The following TMCC3 variants were observed in gnomAD, a reference collection of about 807,000 sequenced individuals.
The protein encoded by TMCC3 is transmembrane and coiled-coil domain protein 3.
TMCC3 carries 28 observed loss-of-function variants against 40.2 expected under a neutral mutation model. The observed-to-expected ratio is 0.70, with a 90% CI of 0.52 to 0.95. The LOEUF (loss-of-function observed/expected upper bound fraction) is 0.95, where lower values mean the gene tolerates loss of function less well. TMCC3 is among the 40% of genes least tolerant of loss of function. TMCC3 has a pLI of 0.00. For missense variants in TMCC3, 554 were observed against 615.2 expected (o/e 0.90, Z 1.05); for synonymous variants, 255 against 248.5 (o/e 1.03, Z -0.25).
chr12:94,591,159 T>A, intron 1 of TMCC3: 1 of 340,210 alleles, frequency 2.9e-6, no homozygotes, highest in South Asian at 2.7e-5. Flanking sequence ...AATACGAGAC[T>A]TCGTACAGTA....
chr12:94,645,215 T>C (rs1227353477), intron 1 of TMCC3, among the ~76,000 whole-genome samples: 1 of 152,218 alleles, frequency 6.6e-6, no homozygotes, highest in Non-Finnish European at 1.5e-5. Context: ...GTCTATAGTT[T>C]ATAAATACAT....
At chr12:94,638,975 TC>T (rs1222329218) in intron 1 of TMCC3, among the ~76,000 whole-genome samples, 3 of 148,478 alleles carry the variant, frequency 2.0e-5, no homozygotes, top group Non-Finnish European at 4.5e-5. Flanking sequence ...TACATACACA[TC>T]TTAATTAGGT....
At chr12:94,623,704 A>G (rs564049660) in intron 1 of TMCC3, among the ~76,000 whole-genome samples, 1 of 152,344 alleles carries the variant, frequency 6.6e-6, no homozygotes, top group East Asian at 1.9e-4. Flanking sequence ...TGCCCTGGCT[A>G]CTTGCCTAAG....
At chr12:94,588,635 C>T (rs2068652293) in intron 1 of TMCC3, among the ~76,000 whole-genome samples, 1 of 152,170 alleles carries the variant, frequency 6.6e-6, no homozygotes, top group African/African-American at 2.4e-5. Flanking sequence ...CGTTCAATAC[C>T]TGAAGGCTTT....
At chr12:94,571,877 T>A (rs1394471142) in intron 3 of TMCC3, 140 bp from the exon 4 acceptor site, 1 of 752,766 alleles carries the variant, frequency 1.3e-6, no homozygotes, top group African/African-American at 1.8e-5. Context: ...CCGATGATGA[T>A]GGTGATAGAC....
chr12:94,597,120 A>AATATATATAT (rs768080145), intron 1 of TMCC3, among the ~76,000 whole-genome samples: 14 of 5,484 alleles, frequency 2.6e-3, no homozygotes, highest in Admixed American at 5.4e-3. Flanking sequence ...TCTCTATTAA[A>AATATATATAT]ATACATATAT....
At chr12:94,591,639 C>T (rs924367464) in intron 1 of TMCC3, among the ~76,000 whole-genome samples, 3 of 152,078 alleles carry the variant, frequency 2.0e-5, no homozygotes, top group African/African-American at 7.2e-5. Context: ...ACTTGTAATC[C>T]TGACTACTCG....
chr12:94,577,631 C>A (rs554481004), intron 3 of TMCC3, among the ~76,000 whole-genome samples: 1 of 152,258 alleles, frequency 6.6e-6, no homozygotes, highest in Non-Finnish European at 1.5e-5. Context: ...CACCACATGG[C>A]TAAATTTCTG....
intron 1 of TMCC3, among the ~76,000 whole-genome samples, chr12:94,649,649 G>A (rs1192060235): frequency 6.6e-6 from 1 of 152,226 alleles, no homozygotes; most frequent in Admixed American, 6.5e-5. Context: ...GGACAGACCC[G>A]CGCTTGGGCT....
intron 1 of TMCC3, among the ~76,000 whole-genome samples, chr12:94,616,920 C>A (rs1296435219): frequency 6.6e-6 from 1 of 152,126 alleles, no homozygotes; most frequent in Non-Finnish European, 1.5e-5. Flanking sequence ...TTAAACAAGT[C>A]CTTCTGAGAA....
chr12:94,641,199 CAA>C (rs112330938), intron 1 of TMCC3, among the ~76,000 whole-genome samples: 1 of 142,954 alleles, frequency 7.0e-6, no homozygotes. Flanking sequence ...GACCCTGTCT[CAA>C]AAAAAAAAAG....
At position 94,604,308 on chromosome 12, in the gene TMCC3, C is replaced by A. The variant is rs112116211; in HGVS notation, c.79-21770G>T. ...TACAATTAGGGCTTGCTTACTTAGA[C>A]CAAATTGTTTTTATGATAGCTAATG... On this transcript the variant is annotated intron_variant, in intron 1 of 3. Transcript: ENST00000261226. Among the ~76,000 whole-genome samples, 9 of 152,228 alleles carry A rather than the reference C, an allele frequency of 5.9e-5. 2 individuals are homozygous for A. The highest frequency in any genetic ancestry group is 2.2e-4 in the African/African-American group (9 of 41,544).
intron 1 of TMCC3, among the ~76,000 whole-genome samples, chr12:94,630,714 T>C (rs1201548259): frequency 2.6e-5 from 4 of 151,378 alleles, no homozygotes; most frequent in Admixed American, 6.6e-5. Context: ...CTTGTAAACG[T>C]TTTGTGTTTT....
chr12:94,629,801 G>A (rs2068922841), intron 1 of TMCC3, among the ~76,000 whole-genome samples: 1 of 152,168 alleles, frequency 6.6e-6, no homozygotes, highest in South Asian at 2.1e-4. Flanking sequence ...TAGCATAAAT[G>A]TGATTTATCT....
rs1422024979 is a variant in TMCC3, at chr12:94,650,526, G to A, written c.-96C>T. Reference sequence around the variant, plus strand: ...GATCACCCTGGGAGCCGCGGGCGAGGGGGCGGCGCGGCTGCTGCAGCTGTT... The same window carrying A: ...GATCACCCTGGGAGCCGCGGGCGAGAGGGCGGCGCGGCTGCTGCAGCTGTT... On this transcript the variant is annotated 5_prime_UTR_variant, in exon 1 of 4. Coordinates refer to ENST00000261226, the MANE Select transcript of TMCC3 (RefSeq NM_020698.4). 7 of 1,006,208 alleles carry A rather than the reference G, an allele frequency of 7.0e-6. No homozygotes were observed. Among genetic ancestry groups the A allele is most frequent in the East Asian group, 3.8e-5 (1 of 26,494 alleles). 62.3% of individuals were successfully genotyped at this position (1,006,208 alleles called of 1,614,324 possible).
chr12:94,596,514 C>T (rs1387937999), intron 1 of TMCC3, among the ~76,000 whole-genome samples: 2 of 152,204 alleles, frequency 1.3e-5, no homozygotes, highest in East Asian at 3.8e-4. Context: ...CACCCCCACG[C>T]CCAGCTAGGA....
intron 1 of TMCC3, among the ~76,000 whole-genome samples, chr12:94,618,097 T>A (rs944752435): frequency 6.6e-6 from 1 of 152,238 alleles, no homozygotes. Context: ...ATGAATATTT[T>A]AAAACTACAA....
chr12:94,609,215 G>A (rs898623403), intron 1 of TMCC3, among the ~76,000 whole-genome samples: 2 of 152,114 alleles, frequency 1.3e-5, no homozygotes, highest in African/African-American at 4.8e-5. Flanking sequence ...GTGACAGAGT[G>A]AGACTGTTGT....
Position 94,571,723 on chromosome 12 carries a change from G to A in TMCC3, c.1146C>T (p.Ser382=), listed in dbSNP as rs139873854. The change falls in exon 4 of 4, where the codon TCC becomes TCT. Residue 382 remains serine (S), a synonymous_variant. Coordinates refer to ENST00000261226, the MANE Select transcript of TMCC3 (RefSeq NM_020698.4). ...RSRDIQEALE[S]CQTRISKLEL... ...CCAGCTTAGAAATGCGAGTCTGGCA[G>A]GATTCCAAGGCTTCCTGTGAGCAAG... The A allele has an allele frequency of 4.5e-5, 72 of 1,613,802 alleles. No individual in the cohort carries two copies. Among genetic ancestry groups the A allele is most frequent in the Middle Eastern group, 1.6e-4 (1 of 6,066 alleles).
Sources: gnomAD v4.1 joint callset for allele counts (sites outside exome capture counted in the v4.1 genomes callset) on GRCh38, gnomAD v4.1.1 for gene constraint, MANE v1.5 for transcripts, NCBI Gene and HGNC (gene_info 2026-07-23, HGNC 2026-07-21) for gene names.